The following PCDHGB6 variants were observed in gnomAD, a reference collection of about 807,000 sequenced individuals.
PCDHGB6 encodes the protein protocadherin gamma subfamily B, 6, also known as protocadherin gamma-B6.
In PCDHGB6, 51 loss-of-function variants were observed where a neutral mutation model predicts 59.1. The observed-to-expected ratio is 0.86, with a 90% CI of 0.69 to 1.09. The LOEUF is 1.09. PCDHGB6 is among the 50% of genes least tolerant of loss of function. The pLI, the probability that PCDHGB6 is intolerant of heterozygous loss-of-function variation, is 0.00. For synonymous variants in PCDHGB6, 466 were observed against 495.1 expected (o/e 0.94, Z 0.78); for missense variants, 1,148 against 1,205.1 (o/e 0.95, Z 0.70).
rs759576434 is a variant in PCDHGB6 at position 141,432,109 on chromosome 5, G to C, written c.2418+21489G>C. Reference sequence around the variant, plus strand: ...TGGCAGACACCAACGACAACCCGCCGGTCTTCCCTCAGGCCTCCTATTCCG... The same window carrying C: ...TGGCAGACACCAACGACAACCCGCCCGTCTTCCCTCAGGCCTCCTATTCCG... On this transcript the variant is annotated intron_variant, in intron 1 of 3. Transcript: ENST00000520790. The surrounding 1 kb of genome is among the most constrained non-coding windows in gnomAD (Gnocchi z 6.0). 9 of 1,613,972 alleles carry C rather than the reference G, an allele frequency of 5.6e-6. No homozygotes were observed. In the African/African-American group the frequency reaches 9.3e-5, roughly 17 times the overall value.
intron 3 of PCDHGB6, chr5:141,507,000 TGA>T (rs1235660361): frequency 1.3e-5 from 2 of 152,218 alleles, no homozygotes; most frequent in African/African-American, 4.8e-5. Flanking sequence ...ACTCGACAGA[TGA>T]GAGAACCGAG....
intron 1 of PCDHGB6, chr5:141,419,864 C>A (rs1282571542): frequency 6.2e-7 from 1 of 1,613,966 alleles, no homozygotes; most frequent in Non-Finnish European, 8.5e-7. Context: ...AGATAGCTTG[C>A]AAGAGGTACT....
chr5:141,455,107 C>T (rs1027661420), intron 1 of PCDHGB6, among the ~76,000 whole-genome samples: 20 of 151,774 alleles, frequency 1.3e-4, no homozygotes, highest in Non-Finnish European at 2.4e-4. Context: ...CCACTGCGCC[C>T]GGTGGGTCTA....
At chr5:141,478,598 A>C in intron 1 of PCDHGB6, 1 of 1,566,350 alleles carries the variant, frequency 6.4e-7, no homozygotes, top group South Asian at 1.2e-5. Flanking sequence ...TTATTCCTAC[A>C]TCATATTGAG....
Position 141,409,280 on chromosome 5 carries a change from T to C in PCDHGB6, c.1078T>C (p.Ser360Pro), listed in dbSNP as rs1277414418. 6.2e-7 allele frequency: 1 copy of C among 1,613,904 alleles called. No homozygotes were observed. Among genetic ancestry groups the C allele is most frequent in the Non-Finnish European group, 8.5e-7 (1 of 1,179,910 alleles). Residue 360 changes from serine to proline, a missense_variant, in exon 1 of 4, where the codon TCA (serine) becomes CCA (proline). By Grantham distance (74) the Ser-to-Pro change is moderately conservative (BLOSUM62 -1). Around this residue, in one of 5 missense-constraint regions of PCDHGB6, gnomAD observed 549 missense variants for 527.5 expected, o/e 1.04. Coordinates refer to ENST00000520790, the MANE Select transcript of PCDHGB6 (RefSeq NM_018926.3). ...TSLSDQILEN[S>P]PPGMVVALFK... ...TCTCTCTGATCAGATTTTGGAGAAT[T>C]CACCTCCAGGAATGGTTGTTGCCCT...
At position 141,491,605 on chromosome 5, in the gene PCDHGB6, T is replaced by C; in HGVS notation, c.2419-3202T>C. On this transcript the variant is annotated intron_variant, in intron 1 of 3. Coordinates refer to ENST00000520790, the MANE Select transcript of PCDHGB6 (RefSeq NM_018926.3). This position sits in a 1 kb window ranked among gnomAD's most constrained non-coding sequence, Gnocchi z 6.9. Reference sequence around the variant, plus strand: ...GGCCTCGGACGGCAGTGACTTCACTTTTCTAAGACCCCTCAGCGTTCAGCA... The same window carrying C: ...GGCCTCGGACGGCAGTGACTTCACTCTTCTAAGACCCCTCAGCGTTCAGCA... 6.2e-7 allele frequency: 1 copy of C among 1,613,868 alleles called. No individual in the cohort carries two copies. Among genetic ancestry groups the C allele is most frequent in the East Asian group, 2.2e-5 (1 of 44,858 alleles).
chr5:141,422,131 G>T (rs747294750), intron 1 of PCDHGB6: 3 of 1,598,182 alleles, frequency 1.9e-6, no homozygotes, highest in Non-Finnish European at 2.6e-6. Context: ...AACTGGAGAA[G>T]TTCAAGTACG....
At position 141,486,821 on chromosome 5, in the gene PCDHGB6, A is replaced by T. The variant is rs756652952; in HGVS notation, c.2419-7986A>T. On this transcript the variant is annotated intron_variant, in intron 1 of 3. Transcript: ENST00000520790. The surrounding 1 kb of genome is among the most constrained non-coding windows in gnomAD (Gnocchi z 5.0). ...CAACCCACCCCTTAGCAGCACTGTA[A>T]CAGTTCGTCTATTTGTGCTGGACCT... 36 of 1,614,116 alleles carry T rather than the reference A, an allele frequency of 2.2e-5. No individual in the cohort carries two copies. In the South Asian group the frequency reaches 3.4e-4, roughly 15 times the overall value.
rs1229133377 is a variant in PCDHGB6, at chr5:141,410,413, T to C, written c.2211T>C (p.Pro737=). The change falls in exon 1 of 4, where the codon CCT becomes CCC. Residue 737 remains proline, a synonymous_variant. Coordinates refer to ENST00000520790, the MANE Select transcript of PCDHGB6 (RefSeq NM_018926.3). The part of the protein sequence containing the change: ...FHPGLCVKSG[P]VVPPNYSEGT... ...CTGGTCTCTGTGTCAAGTCTGGACC[T>C]GTAGTTCCCCCCAACTACAGTGAGG... 6.2e-6 allele frequency: 10 copies of C among 1,613,938 alleles called. No homozygotes were observed. Among genetic ancestry groups the C allele is most frequent in the Non-Finnish European group, 8.5e-6 (10 of 1,179,900 alleles).
intron 1 of PCDHGB6, among the ~76,000 whole-genome samples, chr5:141,433,837 C>CA (rs56191208): frequency 0.14 from 15,134 of 111,544 alleles, 1,164 homozygotes; most frequent in African/African-American, 0.25. Context: ...AACTCTATCT[C>CA]AAAAAAAAAA....
rs770619389 is a variant in PCDHGB6 at position 141,490,764 on chromosome 5, T to C, written c.2419-4043T>C. On this transcript the variant is annotated intron_variant, in intron 1 of 3. Coordinates refer to ENST00000520790, the MANE Select transcript of PCDHGB6 (RefSeq NM_018926.3). The surrounding 1 kb of genome is among the most constrained non-coding windows in gnomAD (Gnocchi z 5.4). ...GAGCCCCAGCCTCCTCCTTTGTGTA[T>C]GTCAACCCAGAGGATGGACGGATCT... is the stretch of plus-strand genomic sequence containing the variant. 22 of 1,613,970 alleles carry C rather than the reference T, an allele frequency of 1.4e-5. No individual in the cohort carries two copies. Among genetic ancestry groups the C allele is most frequent in the Non-Finnish European group, 1.6e-5 (19 of 1,179,928 alleles).
chr5:141,421,530 C>T (rs377652360), intron 1 of PCDHGB6: 274 of 1,613,922 alleles, frequency 1.7e-4, no homozygotes, highest in Non-Finnish European at 2.3e-4. Flanking sequence ...AGACGGTGTC[C>T]TCCTGTTTTT....
chr5:141,504,941 T>G (rs2099842166), intron 2 of PCDHGB6, among the ~76,000 whole-genome samples: 1 of 152,046 alleles, frequency 6.6e-6, no homozygotes, highest in East Asian at 1.9e-4. Flanking sequence ...GGTGGGGGAA[T>G]GCACTATGTT....
At chr5:141,424,297 A>G (rs2096812591) in intron 1 of PCDHGB6, 1 of 152,466 alleles carries the variant, frequency 6.6e-6, no homozygotes, top group African/African-American at 2.4e-5. Flanking sequence ...TCTTCATCCT[A>G]TCAACACAGA....
rs750033444 is a variant in PCDHGB6 at position 141,432,950 on chromosome 5, G to C, written c.2418+22330G>C. 1.2e-6 allele frequency: 2 copies of C among 1,614,190 alleles called. No homozygotes were observed. The highest frequency in any genetic ancestry group is 1.7e-6 in the Non-Finnish European group (2 of 1,180,032). ...ACGCCTGCTGCAGGCTTCAGGAGGC[G>C]GCTTGACAGGAGCGCCGGCGTCGCA... On this transcript the variant is annotated intron_variant, in intron 1 of 3. Transcript: ENST00000520790. The surrounding 1 kb of genome is among the most constrained non-coding windows in gnomAD (Gnocchi z 6.0).
intron 2 of PCDHGB6, among the ~76,000 whole-genome samples, chr5:141,504,563 C>G (rs1036149640): frequency 3.3e-5 from 5 of 149,436 alleles, no homozygotes; most frequent in African/African-American, 1.2e-4. Context: ...GACTGGCATT[C>G]TAGGGAACAC....
At chr5:141,433,237 A>G in intron 1 of PCDHGB6, 1 of 1,495,940 alleles carries the variant, frequency 6.7e-7, no homozygotes, top group South Asian at 1.3e-5. Flanking sequence ...TCTGTCTCCC[A>G]AGCTGGAATG....
rs769074023 is a variant in PCDHGB6 at position 141,491,738 on chromosome 5, G to T, written c.2419-3069G>T. On this transcript the variant is annotated intron_variant, in intron 1 of 3. Transcript: ENST00000520790. The surrounding 1 kb of genome is among the most constrained non-coding windows in gnomAD (Gnocchi z 6.9). The stretch of plus-strand genomic sequence containing the variant: ...GCGCCGCCCCGGGCGACCCCTGGGG[G>T]CGGCACTGGAGAAGCCGCCCGTCCT... 38 of 1,600,228 alleles carry T rather than the reference G, an allele frequency of 2.4e-5. No homozygotes were observed. The highest frequency in any genetic ancestry group is 3.1e-5 in the Non-Finnish European group (36 of 1,174,204).
intron 2 of PCDHGB6, among the ~76,000 whole-genome samples, chr5:141,495,193 T>C (rs1471524188): frequency 6.6e-6 from 1 of 152,192 alleles, no homozygotes; most frequent in Admixed American, 6.5e-5. Context: ...TCTATGCCCA[T>C]GTACTGCCTA....
Sources: allele counts gnomAD v4.1 joint callset (sites outside exome capture counted in the v4.1 genomes callset), GRCh38; gene constraint gnomAD v4.1.1; regional missense constraint gnomAD v4.1.1; non-coding constraint Gnocchi (gnomAD v3.1); transcripts MANE v1.5; gene names NCBI Gene and HGNC (gene_info 2026-07-23, HGNC 2026-07-21).